The following GAS2 variants were observed in gnomAD, a reference collection of about 807,000 sequenced individuals.
GAS2 encodes growth arrest-specific protein 2.
GAS2 carries 20 observed loss-of-function variants against 37.5 expected under a neutral mutation model. That is an observed-to-expected ratio of 0.53 (90% CI 0.37 to 0.77). The LOEUF (loss-of-function observed/expected upper bound fraction) is 0.77. GAS2 is among the 30% of genes least tolerant of loss of function. GAS2 has a pLI of 0.00. For missense variants in GAS2, 336 were observed against 373.4 expected, an observed-to-expected ratio of 0.90 and a Z score of 0.82; for synonymous variants, 144 against 132.2, an observed-to-expected ratio of 1.09 and a Z score of -0.61.
At chr11:22,640,518 T>C (rs1448492545) in intron 1 of GAS2, among the ~76,000 whole-genome samples, 3 of 152,182 alleles carry the variant, frequency 2.0e-5, no homozygotes, top group African/African-American at 7.2e-5. Context: ...ACAACATTTC[T>C]CCATGAGAGT....
chr11:22,794,722 G>A (rs148591511), intron 7 of GAS2, among the ~76,000 whole-genome samples: 38 of 152,210 alleles, frequency 2.5e-4, no homozygotes, highest in African/African-American at 7.5e-4. Context: ...GTTGTCCTAA[G>A]TATGATGAAA....
rs759433343 is a variant in GAS2 at position 22,626,248 on chromosome 11, GATCT to G, written c.-21+438_-21+441del. 3 of 222,960 alleles carry G rather than the reference GATCT, an allele frequency of 1.3e-5. No individual in the cohort carries two copies. In the Admixed American group the frequency reaches 1.6e-4, roughly 12 times the overall value. 13.8% of individuals were successfully genotyped at this position (222,960 alleles called of 1,614,324 possible). A position where few individuals can be genotyped will look rare whatever the true frequency, so the allele number is the denominator to read the frequency against. On this transcript the variant is annotated intron_variant, in intron 1 of 5. Coordinates refer to the GAS2 transcript ENST00000528582. ...GAAACGCTCTTAAATGAAATTTTAA[GATCT>G]ATTTGAGAAACATGTACTAAAAATG...
At chr11:22,761,603 A>G (rs982182871) in intron 7 of GAS2, among the ~76,000 whole-genome samples, 11 of 152,172 alleles carry the variant, frequency 7.2e-5, no homozygotes, top group African/African-American at 2.7e-4. Context: ...CAAAAATATT[A>G]TTTGTAAAGA....
At chr11:22,694,462 T>C (rs548653707) in intron 3 of GAS2, among the ~76,000 whole-genome samples, 1 of 152,322 alleles carries the variant, frequency 6.6e-6, no homozygotes, top group African/African-American at 2.4e-5. Context: ...GGAGCTTTCT[T>C]CATCAACTTA....
chr11:22,782,255 A>G (rs1435141069), intron 7 of GAS2, among the ~76,000 whole-genome samples: 1 of 152,178 alleles, frequency 6.6e-6, no homozygotes, highest in Non-Finnish European at 1.5e-5. Context: ...TAGAGAGGAC[A>G]GCCTCTTAAT....
intron 1 of GAS2, among the ~76,000 whole-genome samples, chr11:22,645,327 G>A (rs914020854): frequency 1.3e-5 from 2 of 152,056 alleles, no homozygotes; most frequent in Non-Finnish European, 2.9e-5. Context: ...GGTCAACATG[G>A]TGAAACCCTG....
intron 7 of GAS2, among the ~76,000 whole-genome samples, chr11:22,789,305 C>T (rs2041470): frequency 0.38 from 23,138 of 61,052 alleles, 2,375 homozygotes; most frequent in Non-Finnish European, 0.41. Context: ...TATATATATA[C>T]ACACACACAC....
intron 3 of GAS2, among the ~76,000 whole-genome samples, chr11:22,715,143 T>G (rs1421253015): frequency 1.3e-5 from 2 of 152,042 alleles, no homozygotes; most frequent in African/African-American, 4.8e-5. Flanking sequence ...AAAGAAGAGA[T>G]ACGTTCCAAA....
intron 1 of GAS2, among the ~76,000 whole-genome samples, chr11:22,638,499 C>G (rs529338266): frequency 4.6e-5 from 7 of 151,888 alleles, no homozygotes; most frequent in African/African-American, 1.7e-4. Flanking sequence ...GCACTTGGCA[C>G]CACACCCAGC....
At chr11:22,744,685 GC>G (rs1216402679) in intron 5 of GAS2, among the ~76,000 whole-genome samples, 1 of 151,998 alleles carries the variant, frequency 6.6e-6, no homozygotes, top group African/African-American at 2.4e-5. Context: ...CAAAACCACA[GC>G]CAACATCATA....
chr11:22,784,368 A>G (rs1212493157), intron 7 of GAS2, among the ~76,000 whole-genome samples: 2 of 152,198 alleles, frequency 1.3e-5, no homozygotes, highest in African/African-American at 2.4e-5. Flanking sequence ...GTAAGTTACT[A>G]GTAAAGTTAA....
At chr11:22,674,805 G>A (rs1849350525) in intron 1 of GAS2, 45 bp from the exon 2 acceptor site, 4 of 1,430,580 alleles carry the variant, frequency 2.8e-6, no homozygotes, top group Non-Finnish European at 3.8e-6. Context: ...CATTTTGTGA[G>A]AGAAGTCTGT....
At chr11:22,748,182 C>T (rs1853518037) in intron 5 of GAS2, among the ~76,000 whole-genome samples, 2 of 152,116 alleles carry the variant, frequency 1.3e-5, no homozygotes, top group Admixed American at 1.3e-4. Context: ...AACACCCAGT[C>T]ACCTGATTAA....
chr11:22,657,014 A>T (rs1272121382), intron 1 of GAS2, among the ~76,000 whole-genome samples: 2 of 152,244 alleles, frequency 1.3e-5, no homozygotes, highest in African/African-American at 4.8e-5. Context: ...GTGAAAGAGC[A>T]TTGTAAAAAG....
At chr11:22,659,505 T>C (rs1848892801) in intron 1 of GAS2, among the ~76,000 whole-genome samples, 1 of 152,170 alleles carries the variant, frequency 6.6e-6, no homozygotes. Context: ...AACCTTCTCT[T>C]GACTTTTCCT....
intron 7 of GAS2, among the ~76,000 whole-genome samples, chr11:22,793,459 A>G (rs1007326957): frequency 1.3e-5 from 2 of 152,172 alleles, no homozygotes; most frequent in African/African-American, 4.8e-5. Flanking sequence ...AGTCTGGGCA[A>G]AAAATGATTG....
chr11:22,675,682 A>G (rs1849394623), intron 2 of GAS2, among the ~76,000 whole-genome samples: 1 of 89,016 alleles, frequency 1.1e-5, no homozygotes, highest in Non-Finnish European at 2.9e-5. Context: ...AAGGATCATC[A>G]TATATAGCAG....
chr11:22,735,223 TC>T (rs1162541867), intron 4 of GAS2, among the ~76,000 whole-genome samples: 18 of 114,202 alleles, frequency 1.6e-4, no homozygotes, highest in African/African-American at 4.6e-4. Flanking sequence ...CACCAATCAT[TC>T]TTTTTTTTTT....
At chr11:22,789,702 T>C (rs1262257486) in intron 7 of GAS2, among the ~76,000 whole-genome samples, 1 of 151,490 alleles carries the variant, frequency 6.6e-6, no homozygotes, top group Non-Finnish European at 1.5e-5. Flanking sequence ...CCTGACCTCA[T>C]GATCCGCCCG....
Sources: gnomAD v4.1 joint callset for allele counts (sites outside exome capture counted in the v4.1 genomes callset) on GRCh38, gnomAD v4.1.1 for gene constraint, MANE v1.5 for transcripts, NCBI Gene and HGNC (gene_info 2026-07-23, HGNC 2026-07-21) for gene names.